Variants in NKAIN2 observed in about 807,000 individuals in gnomAD.
NKAIN2 encodes the protein sodium/potassium-transporting ATPase subunit beta-1-interacting protein 2.
In NKAIN2, 14 loss-of-function variants were observed where a neutral mutation model predicts 32.6. The ratio of observed to expected loss-of-function variants is 0.43; its 90% CI spans 0.28 to 0.67. NKAIN2 has a LOEUF of 0.67. Ranked by LOEUF, NKAIN2 falls within the 30% of genes least tolerant of loss-of-function variation. The pLI, the probability that NKAIN2 is intolerant of heterozygous loss-of-function variation, is 0.17. For synonymous variants in NKAIN2, 80 were observed against 87.2 expected (o/e 0.92, Z 0.46); for missense variants, 198 against 258.3 (o/e 0.77, Z 1.60).
chr6:124,131,426 A>C (rs1302456134), intron 1 of NKAIN2, among the ~76,000 whole-genome samples: 1 of 152,206 alleles, frequency 6.6e-6, no homozygotes, highest in Admixed American at 6.5e-5. Flanking sequence ...AGTGTATAGA[A>C]ATTCACACTG....
At chr6:124,207,902 C>T (rs810587) in intron 1 of NKAIN2, among the ~76,000 whole-genome samples, 105,606 of 151,780 alleles carry the variant, frequency 0.7, 36,981 homozygotes, top group South Asian at 0.75. Context: ...CTAAATAATA[C>T]AAAAATTGTG....
At chr6:124,129,606 C>T (rs7767878) in intron 1 of NKAIN2, among the ~76,000 whole-genome samples, 3,928 of 152,150 alleles carry the variant, frequency 0.026, 56 homozygotes, top group Non-Finnish European at 0.028. Context: ...CGTTTCTTTT[C>T]TCCTTCTGAA....
intron 1 of NKAIN2, among the ~76,000 whole-genome samples, chr6:123,914,284 T>C (rs978075025): frequency 1.4e-5 from 2 of 145,830 alleles, no homozygotes. Context: ...ACAGAGACAG[T>C]CAGAGAGAGG....
At chr6:124,313,014 A>G (rs752085382) in intron 2 of NKAIN2, among the ~76,000 whole-genome samples, 1 of 152,118 alleles carries the variant, frequency 6.6e-6, no homozygotes. Context: ...CAACATTATA[A>G]CAAAAGCCTG....
chr6:124,171,328 T>C lies in NKAIN2; in HGVS notation c.55-111677T>C, dbSNP rs530497812. On this transcript the variant is annotated intron_variant, in intron 1 of 6. Transcript: ENST00000368417. The stretch of plus-strand genomic sequence containing the variant: ...AAATTTTAGGACCTAGAGATTTTCA[T>C]CTCTTCATTTTGACCATGGTAATTT... 1.1e-4 allele frequency among the ~76,000 whole-genome samples: 16 copies of C among 152,214 alleles called. No individual in the cohort carries two copies. The South Asian group carries it at 3.3e-3, about 32-fold the overall frequency.
chr6:124,775,858 G>C (rs1262962753), intron 4 of NKAIN2, among the ~76,000 whole-genome samples: 1 of 151,958 alleles, frequency 6.6e-6, no homozygotes, highest in East Asian at 1.9e-4. Flanking sequence ...TTACTATCCT[G>C]AACATTTCTG....
chr6:124,250,917 G>T (rs921945044), intron 1 of NKAIN2, among the ~76,000 whole-genome samples: 3 of 152,060 alleles, frequency 2.0e-5, no homozygotes, highest in African/African-American at 7.2e-5. Context: ...TAAGGACTTG[G>T]TATCATCTGA....
intron 3 of NKAIN2, among the ~76,000 whole-genome samples, chr6:124,398,727 A>G (rs1773503953): frequency 6.6e-6 from 1 of 152,202 alleles, no homozygotes; most frequent in South Asian, 2.1e-4. Context: ...TTGGTAATGA[A>G]TGGAATGGAA....
At chr6:124,687,549 C>CATATACATACATGGTATATATTCCATAT (rs1562324845) in intron 4 of NKAIN2, among the ~76,000 whole-genome samples, 1 of 746 alleles carries the variant, frequency 1.3e-3, no homozygotes, top group Non-Finnish European at 3.1e-3. Context: ...ATATTCCATA[C>CATATACATACATGGTATATATTCCATAT]ATATACATAC....
At chr6:124,508,922 G>C (rs760013275) in intron 3 of NKAIN2, among the ~76,000 whole-genome samples, 2 of 152,006 alleles carry the variant, frequency 1.3e-5, no homozygotes, top group Non-Finnish European at 1.5e-5. Context: ...GTTTTAAAAG[G>C]ACACCAGTCA....
intron 4 of NKAIN2, among the ~76,000 whole-genome samples, chr6:124,668,763 T>C (rs1451500140): frequency 6.6e-6 from 1 of 152,194 alleles, no homozygotes; most frequent in Admixed American, 6.5e-5. Flanking sequence ...ATGTCTTTTT[T>C]CGCAAACAGA....
chr6:123,901,880 C>T (rs960632812), intron 1 of NKAIN2, among the ~76,000 whole-genome samples: 2 of 151,840 alleles, frequency 1.3e-5, no homozygotes, highest in South Asian at 2.1e-4. Context: ...ACAATTTCTT[C>T]TTTACCCTGA....
Position 124,807,269 on chromosome 6 carries a change from C to G in NKAIN2, c.536-11118C>G, listed in dbSNP as rs1444549590. On this transcript the variant is annotated intron_variant, in intron 5 of 6. Coordinates refer to ENST00000368417, the MANE Select transcript of NKAIN2 (RefSeq NM_001040214.3). ...GCACTCCTCAGCACATGTAAAAGAA[C>G]AGAAATTATAACAAACTATCTCTCA... Among the ~76,000 whole-genome samples the G allele has an allele frequency of 5.3e-5, 8 of 152,218 alleles. No individual in the cohort carries two copies. The South Asian group carries it at 8.3e-4, about 16-fold the overall frequency.
At position 123,804,035 on chromosome 6, in the gene NKAIN2, G is replaced by A. The variant is rs1053253073; in HGVS notation, c.-166G>A. 5.8e-6 allele frequency: 4 copies of A among 689,756 alleles called. No homozygotes were observed. Among genetic ancestry groups the A allele is most frequent in the Non-Finnish European group, 1.0e-5 (4 of 387,058 alleles). The allele number at this position is 689,756 out of a possible 1,614,324, so 42.7% of individuals were successfully genotyped here. A position where few individuals can be genotyped will look rare whatever the true frequency, so the allele number is the denominator to read the frequency against. On this transcript the variant is annotated 5_prime_UTR_variant, in exon 1 of 7. Coordinates refer to ENST00000368417, the MANE Select transcript of NKAIN2 (RefSeq NM_001040214.3). ...CGCCGCCGCCGCCGCCGCGCCAGCAGGTCCTAATGCCTGTCACTTCCCAGG... is the reference window on the plus strand; with the variant it reads ...CGCCGCCGCCGCCGCCGCGCCAGCAAGTCCTAATGCCTGTCACTTCCCAGG...
At chr6:123,827,629 A>C (rs549221331) in intron 1 of NKAIN2, among the ~76,000 whole-genome samples, 1 of 152,168 alleles carries the variant, frequency 6.6e-6, no homozygotes, top group Non-Finnish European at 1.5e-5. Flanking sequence ...TTAACTGTGT[A>C]TTTTAACACA....
At chr6:124,103,207 T>A (rs1213647302) in intron 1 of NKAIN2, among the ~76,000 whole-genome samples, 1 of 152,202 alleles carries the variant, frequency 6.6e-6, no homozygotes, top group Non-Finnish European at 1.5e-5. Flanking sequence ...GGAAACTAGA[T>A]CTTGCTACTG....
At chr6:124,298,623 C>T (rs1796163014) in intron 2 of NKAIN2, among the ~76,000 whole-genome samples, 1 of 152,128 alleles carries the variant, frequency 6.6e-6, no homozygotes, top group Non-Finnish European at 1.5e-5. Context: ...CACACACATT[C>T]ATCTGGGATA....
intron 1 of NKAIN2, among the ~76,000 whole-genome samples, chr6:124,262,070 C>A (rs1425664410): frequency 6.6e-6 from 1 of 152,038 alleles, no homozygotes; most frequent in Admixed American, 6.5e-5. Context: ...GTTATTCACA[C>A]CTGTTTATGA....
chr6:124,639,719 T>C (rs979519978), intron 3 of NKAIN2, among the ~76,000 whole-genome samples: 3 of 152,052 alleles, frequency 2.0e-5, no homozygotes, highest in African/African-American at 4.8e-5. Context: ...AAAACATGGA[T>C]GAGTTTGCAG....
Sources: gnomAD v4.1 joint callset for allele counts (sites outside exome capture counted in the v4.1 genomes callset) on GRCh38, gnomAD v4.1.1 for gene constraint, MANE v1.5 for transcripts, NCBI Gene and HGNC (gene_info 2026-07-23, HGNC 2026-07-21) for gene names.